The following DNER variants were observed in gnomAD, a reference collection of about 807,000 sequenced individuals.
DNER encodes delta and Notch-like epidermal growth factor-related receptor.
In DNER, 33 loss-of-function variants were observed where a neutral mutation model predicts 78.2. The ratio of observed to expected loss-of-function variants is 0.42; its 90% CI spans 0.32 to 0.56. The LOEUF (loss-of-function observed/expected upper bound fraction) is 0.56, where lower values mean the gene tolerates loss of function less well. Ranked by LOEUF, DNER falls within the 20% of genes least tolerant of loss-of-function variation. The pLI, the probability that DNER is intolerant of heterozygous loss-of-function variation, is 0.11. For missense variants in DNER, 918 were observed against 975.3 expected, an observed-to-expected ratio of 0.94 and a Z score of 0.78; for synonymous variants, 417 against 384.8, an observed-to-expected ratio of 1.08 and a Z score of -0.98.
At chr2:229,420,088 C>A (rs908057893) in intron 8 of DNER, among the ~76,000 whole-genome samples, 1 of 151,744 alleles carries the variant, frequency 6.6e-6, no homozygotes, top group Non-Finnish European at 1.5e-5. Context: ...CAGATGAAAT[C>A]TATCCCAGCC....
intron 5 of DNER, among the ~76,000 whole-genome samples, chr2:229,542,092 A>T (rs1696527047): frequency 1.3e-5 from 2 of 151,724 alleles, no homozygotes; most frequent in African/African-American, 4.8e-5. Context: ...TCTAATTTGG[A>T]TCTAAAGAAG....
chr2:229,477,088 T>G, intron 7 of DNER, 52 bp downstream of exon 7: 6 of 1,418,334 alleles, frequency 4.2e-6, no homozygotes, highest in Non-Finnish European at 5.9e-6. Context: ...ATCAAATTAG[T>G]TTATGATTTA....
At chr2:229,674,337 G>C (rs1699264656) in intron 1 of DNER, among the ~76,000 whole-genome samples, 2 of 152,364 alleles carry the variant, frequency 1.3e-5, no homozygotes, top group Admixed American at 1.3e-4. Context: ...GGAGTGCAGT[G>C]ATGCGATCTC....
At chr2:229,631,436 T>A (rs753274424) in intron 1 of DNER, among the ~76,000 whole-genome samples, 2 of 152,216 alleles carry the variant, frequency 1.3e-5, no homozygotes, top group Non-Finnish European at 2.9e-5. Context: ...CCCTCCAGCT[T>A]CTTCTTAAAA....
intron 5 of DNER, among the ~76,000 whole-genome samples, chr2:229,513,484 A>G (rs973469765): frequency 5.3e-5 from 8 of 152,226 alleles, no homozygotes; most frequent in Non-Finnish European, 8.8e-5. Flanking sequence ...AATTCAAGTA[A>G]CCATTTTGTA....
At chr2:229,615,760 G>A (rs1485455055) in intron 1 of DNER, among the ~76,000 whole-genome samples, 3 of 151,136 alleles carry the variant, frequency 2.0e-5, no homozygotes, top group Non-Finnish European at 2.9e-5. Context: ...TCACATTTCT[G>A]TAGTGGTCAT....
chr2:229,415,036 C>T lies in DNER; in HGVS notation c.1609+3072G>A, dbSNP rs113462798. Among the ~76,000 whole-genome samples the T allele has an allele frequency of 3.4e-3, 525 of 152,248 alleles. 1 individual carries two copies. Among genetic ancestry groups the T allele is most frequent in the African/African-American group, 0.012 (489 of 41,530 alleles). On this transcript the variant is annotated intron_variant, in intron 9 of 12. Transcript: ENST00000341772. The stretch of plus-strand genomic sequence containing the variant: ...AATCAGCTGGGCATGGTGGTGAATG[C>T]CTGTAATCCCAGCTACTCAGGAGGC...
intron 6 of DNER, among the ~76,000 whole-genome samples, chr2:229,505,830 C>T (rs1277524860): frequency 6.6e-6 from 1 of 152,128 alleles, no homozygotes; most frequent in African/African-American, 2.4e-5. Context: ...TGCACAAAGG[C>T]ACCTATATCT....
chr2:229,674,278 CCTT>C (rs974770989), intron 1 of DNER, among the ~76,000 whole-genome samples: 7 of 152,228 alleles, frequency 4.6e-5, no homozygotes, highest in Non-Finnish European at 7.4e-5. Flanking sequence ...GACCCAGGAC[CCTT>C]CTTCTTTTTT....
At chr2:229,412,473 C>T (rs1295319269) in intron 9 of DNER, among the ~76,000 whole-genome samples, 7 of 152,110 alleles carry the variant, frequency 4.6e-5, no homozygotes, top group Admixed American at 2.6e-4. Context: ...CTTTCCAGAG[C>T]TTATGATTTA....
At chr2:229,673,621 A>G (rs1001255846) in intron 1 of DNER, among the ~76,000 whole-genome samples, 9 of 152,148 alleles carry the variant, frequency 5.9e-5, no homozygotes, top group African/African-American at 1.7e-4. Flanking sequence ...TCCAGTGCAC[A>G]CTGTTCCAGG....
chr2:229,484,488 A>T (rs1186580190), intron 6 of DNER, among the ~76,000 whole-genome samples: 1 of 152,140 alleles, frequency 6.6e-6, no homozygotes, highest in African/African-American at 2.4e-5. Context: ...CACCTCCAAC[A>T]GGTCTCTGCA....
intron 8 of DNER, among the ~76,000 whole-genome samples, chr2:229,436,093 C>T (rs1694115095): frequency 1.3e-5 from 2 of 152,090 alleles, no homozygotes; most frequent in Admixed American, 6.6e-5. Context: ...AGTTTTTCGA[C>T]CCTCATCCTC....
intron 7 of DNER, among the ~76,000 whole-genome samples, chr2:229,468,757 G>A (rs778795297): frequency 6.6e-6 from 1 of 152,228 alleles, no homozygotes; most frequent in Admixed American, 6.5e-5. Context: ...TGTCTAGGCA[G>A]TGGGCAGGGT....
At chr2:229,448,755 TA>T in intron 7 of DNER, among the ~76,000 whole-genome samples, 1 of 152,346 alleles carries the variant, frequency 6.6e-6, no homozygotes, top group East Asian at 1.9e-4. Context: ...TTCAATACTT[TA>T]AGAGCAGTTT....
chr2:229,528,963 C>T lies in DNER; in HGVS notation c.994-16027G>A, dbSNP rs183194696. Among the ~76,000 whole-genome samples the T allele has an allele frequency of 3.8e-3, 576 of 152,240 alleles. 4 individuals are homozygous for T. Among genetic ancestry groups the T allele is most frequent in the Middle Eastern group, 0.02 (6 of 294 alleles). Reference sequence around the variant, plus strand: ...TACCAGGGCATAGCAGTGGGACTGACGTCTCATTAGCAGTCTGTGGATTTC... The same window carrying T: ...TACCAGGGCATAGCAGTGGGACTGATGTCTCATTAGCAGTCTGTGGATTTC... On this transcript the variant is annotated intron_variant, in intron 5 of 12. Transcript: ENST00000341772.
At chr2:229,551,876 G>T (rs1248048470) in intron 4 of DNER, among the ~76,000 whole-genome samples, 1 of 152,120 alleles carries the variant, frequency 6.6e-6, no homozygotes, top group Non-Finnish European at 1.5e-5. Flanking sequence ...AGGTTGCAGT[G>T]AACGGAGATT....
At chr2:229,655,706 G>A (rs886934173) in intron 1 of DNER, among the ~76,000 whole-genome samples, 6 of 152,126 alleles carry the variant, frequency 3.9e-5, no homozygotes, top group African/African-American at 1.4e-4. Flanking sequence ...ACCCTGTTGG[G>A]AAAAGGGGGT....
At chr2:229,359,244 A>G (rs1281195192) in intron 12 of DNER, among the ~76,000 whole-genome samples, 1 of 152,188 alleles carries the variant, frequency 6.6e-6, no homozygotes, top group Non-Finnish European at 1.5e-5. Flanking sequence ...TCCCAACCTT[A>G]TGGACACAGA....
Sources: gnomAD v4.1 joint callset for allele counts (sites outside exome capture counted in the v4.1 genomes callset) on GRCh38, gnomAD v4.1.1 for gene constraint, MANE v1.5 for transcripts, NCBI Gene and HGNC (gene_info 2026-07-23, HGNC 2026-07-21) for gene names.